Variants in EMC3 observed in about 807,000 individuals in gnomAD.
The protein encoded by EMC3 is ER membrane protein complex subunit 3.
EMC3 carries 13 observed loss-of-function variants against 36.6 expected under a neutral mutation model. That is an observed-to-expected ratio of 0.35 (90% CI 0.23 to 0.56). The LOEUF (loss-of-function observed/expected upper bound fraction) is 0.56. EMC3 is among the 20% of genes least tolerant of loss of function. The pLI is 0.84. For missense variants in EMC3, 220 were observed against 324.5 expected (o/e 0.68, Z 2.47); for synonymous variants, 120 against 111.9 (o/e 1.07, Z -0.46).
chr3:9,988,095 T>C, upstream of EMC3: 1 of 561,272 alleles, frequency 1.8e-6, no homozygotes, highest in Non-Finnish European at 3.2e-6. Flanking sequence ...TGGAGCTTAA[T>C]ACTTACAACT....
intron 1 of EMC3, chr3:10,009,974 A>G (rs1438701590): frequency 6.6e-6 from 1 of 152,254 alleles, no homozygotes; most frequent in Non-Finnish European, 1.5e-5. Flanking sequence ...CTGCTTCCCC[A>G]TCTTCTAAGG....
chr3:10,002,882 A>G (rs2086221372), intron 1 of EMC3: 1 of 456,542 alleles, frequency 2.2e-6, no homozygotes, highest in African/African-American at 2.0e-5. Context: ...GGCCCCCAGC[A>G]TGACCCCATG....
At chr3:10,003,843 C>T (rs1379799386) in intron 1 of EMC3, 1 of 156,454 alleles carries the variant, frequency 6.4e-6, no homozygotes, top group African/African-American at 2.4e-5. Flanking sequence ...CATGTTCAGG[C>T]AGATTCTGTC....
At chr3:9,977,137 GC>G in intron 2 of EMC3, 87 bp from the exon 3 acceptor site, 1 of 1,085,872 alleles carries the variant, frequency 9.2e-7, no homozygotes, top group South Asian at 1.4e-5. Context: ...TAGTCAGAAG[GC>G]CTTTAGGATA....
At position 9,965,415 on chromosome 3, in the gene EMC3, T is replaced by G. The variant is rs574765346; in HGVS notation, c.658-1218A>C. 1.5e-4 allele frequency among the ~76,000 whole-genome samples: 19 copies of G among 129,796 alleles called. No individual in the cohort carries two copies. In the South Asian group the frequency reaches 4.9e-3, roughly 33 times the overall value. 85.2% of individuals were successfully genotyped at this position (129,796 alleles called of 152,430 possible). On this transcript the variant is annotated intron_variant, in intron 7 of 7. Transcript: ENST00000245046. ...CAGCCTGGGTGACACAGTGAGACCC[T>G]CGATAGATAGATAGATAGATAGATA...
rs371226387 is a variant in EMC3, at chr3:10,002,277, T to TTTTA, written c.-242+8745_-242+8746insTAAA. On this transcript the variant is annotated intron_variant, in intron 1 of 8. Coordinates refer to the EMC3 transcript ENST00000470827. The stretch of plus-strand genomic sequence containing the variant: ...CTTTAATTTTTTTCAGCAGTTTCTT[T>TTTTA]TTTTATTTTATTTTATTTTATTTTA... Among the ~76,000 whole-genome samples, 73 of 148,120 alleles carry TTTTA rather than the reference T, an allele frequency of 4.9e-4. 2 individuals are homozygous for TTTTA. The highest frequency in any genetic ancestry group is 1.3e-3 in the African/African-American group (51 of 39,980).
chr3:9,986,768 C>T lies in EMC3; in HGVS notation c.-107G>A, dbSNP rs143750379. The T allele has an allele frequency of 2.0e-6, 3 of 1,535,592 alleles. No homozygotes were observed. In the East Asian group the frequency reaches 6.8e-5, roughly 35 times the overall value. ...CCGGGCCTTCTCAAGCCCCTTTGCCCGTGTACCCCAGAACTCTCCTGCGAC... is the reference window on the plus strand; with the variant it reads ...CCGGGCCTTCTCAAGCCCCTTTGCCTGTGTACCCCAGAACTCTCCTGCGAC... On this transcript the variant is annotated 5_prime_UTR_variant, in exon 1 of 8. Transcript: ENST00000245046.
intron 1 of EMC3, chr3:10,003,021 C>A (rs763852031): frequency 6.6e-6 from 3 of 456,144 alleles, no homozygotes; most frequent in South Asian, 4.6e-5. Flanking sequence ...GTGGTGGAGA[C>A]CCAGAAACAT....
chr3:9,984,111 C>T, intron 1 of EMC3, among the ~76,000 whole-genome samples: 1 of 150,086 alleles, frequency 6.7e-6, no homozygotes, highest in East Asian at 1.9e-4. Context: ...GAGATGGAGT[C>T]TCGCTCTGTC....
Position 10,007,240 on chromosome 3 carries a change from G to A in EMC3, c.-242+3783C>T. On this transcript the variant is annotated intron_variant, in intron 1 of 8. Coordinates refer to the EMC3 transcript ENST00000470827. ...GGGCTGAGGCTCTGAGCAGGTGCAG[G>A]GTAGAGTCCCACACATTGTTCATGG... 3.6e-6 allele frequency: 4 copies of A among 1,117,236 alleles called. No homozygotes were observed. In the South Asian group the frequency reaches 6.3e-5, roughly 18 times the overall value. The allele number at this position is 1,117,236 out of a possible 1,614,324, so 69.2% of individuals were successfully genotyped here.
intron 1 of EMC3, among the ~76,000 whole-genome samples, chr3:9,978,865 A>ACAAAAAT (rs1553603104): frequency 6.6e-6 from 1 of 151,764 alleles, no homozygotes; most frequent in Admixed American, 6.6e-5. Context: ...CAAACAAAAA[A>ACAAAAAT]ACTGTGCTTG....
In EMC3 at chr3:9,976,930, AAAGATGAGTG is replaced by A. The variant is rs1419064168; in HGVS notation, c.307+17_307+26del. 7.1e-6 allele frequency: 11 copies of A among 1,545,174 alleles called. No individual in the cohort carries two copies. The highest frequency in any genetic ancestry group is 9.7e-6 in the Non-Finnish European group (11 of 1,135,284). ...AATACCCATGTTAAAAATCTTCCTT[AAAGATGAGTG>A]AAGGGAACAAACATACCAGTCATAG... On this transcript the variant is annotated intron_variant, in intron 3 of 7. Coordinates refer to ENST00000245046, the MANE Select transcript of EMC3 (RefSeq NM_001394674.1).
upstream of EMC3, among the ~76,000 whole-genome samples, chr3:9,991,150 T>C (rs1055337442): frequency 2.0e-5 from 3 of 152,166 alleles, no homozygotes; most frequent in Non-Finnish European, 4.4e-5. Context: ...TTTATAGAGA[T>C]GAGGTCTTGC....
intron 1 of EMC3, chr3:9,994,133 G>C (rs1254761285): frequency 1.9e-5 from 30 of 1,559,668 alleles, no homozygotes; most frequent in Non-Finnish European, 2.5e-5. Context: ...GCAACTCTTA[G>C]GTTGTGTACT....
intron 5 of EMC3, 188 bp downstream of exon 5, chr3:9,973,440 C>T (rs1246504234): frequency 1.4e-5 from 8 of 574,580 alleles, no homozygotes; most frequent in African/African-American, 5.7e-5. Flanking sequence ...ATCATCTGCC[C>T]ACCTCGGCCT....
chr3:9,986,838 A>C lies in EMC3; in HGVS notation c.-177T>G. ...CTTCAGCTGGGCTGCCTGGTCTTCC[A>C]CTTCCGGCGCGAACGTTGACGTCAC... On this transcript the variant is annotated 5_prime_UTR_variant, in exon 1 of 8. Coordinates refer to ENST00000245046, the MANE Select transcript of EMC3 (RefSeq NM_001394674.1). 1 of 1,389,450 alleles carries C rather than the reference A, an allele frequency of 7.2e-7. No homozygotes were observed. The allele number at this position is 1,389,450 out of a possible 1,614,324, so 86.1% of individuals were successfully genotyped here. A position where few individuals can be genotyped will look rare whatever the true frequency, so the allele number is the denominator to read the frequency against.
chr3:9,998,824 C>G (rs1252540870), intron 1 of EMC3, among the ~76,000 whole-genome samples: 1 of 151,580 alleles, frequency 6.6e-6, no homozygotes, highest in Non-Finnish European at 1.5e-5. Context: ...TGGTATGATC[C>G]TGGCTCACTG....
intron 5 of EMC3, among the ~76,000 whole-genome samples, chr3:9,972,275 TA>T (rs2085793450): frequency 6.6e-6 from 1 of 151,966 alleles, no homozygotes; most frequent in Non-Finnish European, 1.5e-5. Flanking sequence ...TCAAGGGTAT[TA>T]CTAAAAATGA....
chr3:10,008,599 T>C, intron 1 of EMC3: 1 of 496,122 alleles, frequency 2.0e-6, no homozygotes, highest in Non-Finnish European at 3.7e-6. Flanking sequence ...AGCTCCACTG[T>C]CCAGGTGAGG....
Sources: allele counts gnomAD v4.1 joint callset (sites outside exome capture counted in the v4.1 genomes callset), GRCh38; gene constraint gnomAD v4.1.1; transcripts MANE v1.5; gene names NCBI Gene and HGNC (gene_info 2026-07-23, HGNC 2026-07-21).